PDE4DIP: variants seen among roughly 807,000 people sequenced by gnomAD.
The protein encoded by PDE4DIP is myomegalin.
In PDE4DIP, 59 loss-of-function variants were observed where a neutral mutation model predicts 221.4. That is an observed-to-expected ratio of 0.27 (90% CI 0.22 to 0.33). The LOEUF (loss-of-function observed/expected upper bound fraction) is 0.33. PDE4DIP is among the 10% of genes least tolerant of loss of function. The pLI is 1.00. For synonymous variants in PDE4DIP, 404 were observed against 815.9 expected, an observed-to-expected ratio of 0.50 and a Z score of 8.60; for missense variants, 1,036 against 2,154.2, an observed-to-expected ratio of 0.48 and a Z score of 10.28.
chr1:149,016,890 G>C (rs2152672545), intron 33 of PDE4DIP, among the ~76,000 whole-genome samples: 1 of 152,406 alleles, frequency 6.6e-6, no homozygotes, highest in East Asian at 1.9e-4. Context: ...TCTTCCATCA[G>C]TCAGGACTTG....
chr1:148,949,055 G>A (rs1553485599), intron 5 of PDE4DIP, among the ~76,000 whole-genome samples: 1 of 152,136 alleles, frequency 6.6e-6, no homozygotes, highest in Admixed American at 6.5e-5. Flanking sequence ...CACGTTGCAT[G>A]TATCTGAGTT....
chr1:148,903,475 TC>T (rs1453144951), intron 1 of PDE4DIP, among the ~76,000 whole-genome samples: 5 of 84,608 alleles, frequency 5.9e-5, no homozygotes, highest in Non-Finnish European at 1.1e-4. Flanking sequence ...GGTCGTGAAA[TC>T]CTTGCCTAAG....
At chr1:149,007,540 TTC>T (rs1249499610) in intron 28 of PDE4DIP, 104 bp downstream of exon 31, 2 of 463,968 alleles carry the variant, frequency 4.3e-6, no homozygotes, top group Non-Finnish European at 7.4e-6. Flanking sequence ...AAGGTCCTGT[TTC>T]TATTTCATTT....
At chr1:148,953,670 G>T in intron 5 of PDE4DIP, 3 of 1,431,852 alleles carry the variant, frequency 2.1e-6, no homozygotes, top group East Asian at 2.3e-5. Context: ...ATGATTAAAG[G>T]TCTTGATTAT....
intron 1 of PDE4DIP, among the ~76,000 whole-genome samples, chr1:148,923,350 C>T (rs587707923): frequency 6.6e-6 from 1 of 151,428 alleles, no homozygotes; most frequent in African/African-American, 2.4e-5. Flanking sequence ...TAGTCCACTT[C>T]CGCCTCTTGT....
intron 16 of PDE4DIP, among the ~76,000 whole-genome samples, chr1:148,973,166 G>C (rs1456589252): frequency 7.1e-6 from 1 of 141,476 alleles, no homozygotes; most frequent in African/African-American, 2.6e-5. Context: ...AATGCCTTTT[G>C]CTTCTAGGAC....
chr1:148,968,660 A>T (rs1175487419), intron 13 of PDE4DIP, among the ~76,000 whole-genome samples, 176 bp from the exon 17 acceptor site: 11 of 152,190 alleles, frequency 7.2e-5, no homozygotes, highest in Non-Finnish European at 1.0e-4. Context: ...ATGTATTTAG[A>T]GACTTCTGTG....
At chr1:149,007,312 A>C (rs141209660) in exon 28 of PDE4DIP, 15 of 1,585,126 alleles carry the variant, frequency 9.5e-6, no homozygotes, top group Non-Finnish European at 1.3e-5. Context: ...CAAAAGATAC[A>C]GTAAAATCTT....
In PDE4DIP at chr1:149,029,526, C is replaced by A. The variant is rs1313981170; in HGVS notation, c.6814-261C>A. Among the ~76,000 whole-genome samples the A allele has an allele frequency of 3.3e-5, 5 of 152,200 alleles. No homozygotes were observed. The South Asian group carries it at 8.3e-4, about 25-fold the overall frequency. On this transcript the variant is annotated intron_variant, in intron 41 of 43. Transcript: ENST00000369354. ...TTCAGAGTTGGGAGTTTGATACCAGCCTGAGGCGAGGTTCTCTTAAGCTAC... is the reference window on the plus strand; with the variant it reads ...TTCAGAGTTGGGAGTTTGATACCAGACTGAGGCGAGGTTCTCTTAAGCTAC...
intron 21 of PDE4DIP, among the ~76,000 whole-genome samples, chr1:148,989,546 G>A (rs1400381794): frequency 6.6e-6 from 1 of 152,164 alleles, no homozygotes; most frequent in Non-Finnish European, 1.5e-5. Flanking sequence ...TCCAATTCTC[G>A]CTTCTGGAAC....
At position 148,951,788 on chromosome 1, in the gene PDE4DIP, G is replaced by C. The variant is rs1487497782; in HGVS notation, c.637-8866G>C. 3 of 160,434 alleles carry C rather than the reference G, an allele frequency of 1.9e-5. No individual in the cohort carries two copies. In the Admixed American group the frequency reaches 2.0e-4, roughly 10 times the overall value. 9.9% of individuals were successfully genotyped at this position (160,434 alleles called of 1,614,324 possible). A position where few individuals can be genotyped will look rare whatever the true frequency, so the allele number is the denominator to read the frequency against. On this transcript the variant is annotated intron_variant, in intron 5 of 43. Coordinates refer to ENST00000369354, the Ensembl canonical transcript of PDE4DIP. ...ATCTAAAGAAGGGCAAGTCACCCACGGGTACTAACCCTCCCCCACCCACAT... is the reference window on the plus strand; with the variant it reads ...ATCTAAAGAAGGGCAAGTCACCCACCGGTACTAACCCTCCCCCACCCACAT...
At position 148,892,156 on chromosome 1, in the gene PDE4DIP, G is replaced by A. The variant is rs1465321995; in HGVS notation, c.141+2262G>A. ...ACTACAGACCCCTGCTACCACACCT[G>A]GCTAATTTTCGTATTTTTAATAGAG... is the stretch of plus-strand genomic sequence containing the variant. On this transcript the variant is annotated intron_variant, in intron 1 of 43. Transcript: ENST00000369354. Among the ~76,000 whole-genome samples, 30 of 119,728 alleles carry A rather than the reference G, an allele frequency of 2.5e-4. 10 individuals carry two copies. The highest frequency in any genetic ancestry group is 1.1e-3 in the African/African-American group (30 of 27,672). The allele number at this position is 119,728 out of a possible 152,430, so 78.5% of individuals were successfully genotyped here.
chr1:148,992,918 TAAG>T (rs2152395664), intron 22 of PDE4DIP: 1 of 1,054,688 alleles, frequency 9.5e-7, no homozygotes, highest in East Asian at 5.3e-5. Context: ...AATCAACCAA[TAAG>T]AAGAGCCCAA....
At chr1:148,978,940 C>T (rs587637090) in intron 19 of PDE4DIP, among the ~76,000 whole-genome samples, 1 of 151,786 alleles carries the variant, frequency 6.6e-6, no homozygotes, top group South Asian at 2.1e-4. Flanking sequence ...TGGACACATA[C>T]CAATAGTTAT....
chr1:148,997,827 T>C (rs1354207628), intron 22 of PDE4DIP, among the ~76,000 whole-genome samples: 8 of 152,362 alleles, frequency 5.3e-5, no homozygotes, highest in African/African-American at 1.9e-4. Flanking sequence ...AATCACCGTA[T>C]TCACACCCTC....
intron 5 of PDE4DIP, among the ~76,000 whole-genome samples, chr1:148,958,609 A>G (rs1159036318): frequency 6.6e-6 from 1 of 151,366 alleles, no homozygotes; most frequent in Non-Finnish European, 1.5e-5. Flanking sequence ...AACCCTTGAA[A>G]TGTGGCTAGT....
chr1:148,990,092 G>T (rs782253185), intron 21 of PDE4DIP: 98 of 365,620 alleles, frequency 2.7e-4, no homozygotes, highest in Non-Finnish European at 3.4e-4. Context: ...TGGTGTAGAT[G>T]AGGAAACCTA....
intron 32 of PDE4DIP, among the ~76,000 whole-genome samples, chr1:149,014,986 G>A (rs587623276): frequency 1.5e-4 from 22 of 150,956 alleles, no homozygotes; most frequent in Middle Eastern, 3.4e-3. Context: ...CCTTGTGTTC[G>A]GATGGGGTTG....
chr1:148,855,873 C>A (rs2147320), intron 1 of PDE4DIP, among the ~76,000 whole-genome samples: 39 of 119,520 alleles, frequency 3.3e-4, no homozygotes, highest in African/African-American at 8.8e-4. Context: ...AGGAAAAAAA[C>A]ACATCTGAGA....
Sources: allele counts gnomAD v4.1 joint callset (sites outside exome capture counted in the v4.1 genomes callset), GRCh38; gene constraint gnomAD v4.1.1; transcripts MANE v1.5; gene names NCBI Gene and HGNC (gene_info 2026-07-23, HGNC 2026-07-21).